ABHD17C: variants seen among roughly 807,000 people sequenced by gnomAD.
ABHD17C encodes the protein abhydrolase domain containing 17C, depalmitoylase.
A neutral mutation model predicts 27.9 loss-of-function variants in ABHD17C; 11 were observed. The observed-to-expected ratio is 0.39, with a 90% CI of 0.25 to 0.65. The LOEUF (loss-of-function observed/expected upper bound fraction) is 0.65. Ranked by LOEUF, ABHD17C falls within the 30% of genes least tolerant of loss-of-function variation. The pLI is 0.45. For synonymous variants in ABHD17C, 233 were observed against 209.1 expected (o/e 1.11, Z -0.98); for missense variants, 280 against 470.2 (o/e 0.60, Z 3.74).
intron 1 of ABHD17C, among the ~76,000 whole-genome samples, chr15:80,720,749 C>T (rs1210640203): frequency 1.3e-5 from 2 of 151,860 alleles, no homozygotes; most frequent in Non-Finnish European, 2.9e-5. Flanking sequence ...GGTGAAACTC[C>T]GTCTCTACTA....
At chr15:80,717,271 A>AACC (rs10644616) in intron 1 of ABHD17C, among the ~76,000 whole-genome samples, 1 of 145,266 alleles carries the variant, frequency 6.9e-6, no homozygotes, top group Admixed American at 6.8e-5. Flanking sequence ...AAAAAAAAAA[A>AACC]GAGTTTTGGC....
At chr15:80,724,066 G>C (rs1364479251) in intron 1 of ABHD17C, among the ~76,000 whole-genome samples, 1 of 152,024 alleles carries the variant, frequency 6.6e-6, no homozygotes, top group Non-Finnish European at 1.5e-5. Flanking sequence ...AGCTGGGTGT[G>C]GTGGTGGACA....
intron 1 of ABHD17C, among the ~76,000 whole-genome samples, chr15:80,712,729 G>C (rs1220293836): frequency 6.6e-6 from 1 of 152,158 alleles, no homozygotes; most frequent in Non-Finnish European, 1.5e-5. Context: ...GACTGTGGTT[G>C]TTATGGTTGA....
Position 80,696,150 on chromosome 15 carries a change from C to A in ABHD17C, c.590+131C>A, listed in dbSNP as rs1191006200. On this transcript the variant is annotated intron_variant, in intron 1 of 2. Coordinates refer to ENST00000258884, the MANE Select transcript of ABHD17C (RefSeq NM_021214.2). Reference sequence around the variant, plus strand: ...GGGGCTGAGGGCCAGCGGAGAGCCCCTTGGCCGCCGTAAATTCGCTTTTCT... The same window carrying A: ...GGGGCTGAGGGCCAGCGGAGAGCCCATTGGCCGCCGTAAATTCGCTTTTCT... The A allele has an allele frequency of 4.1e-6, 4 of 977,066 alleles. No individual in the cohort carries two copies. In the African/African-American group the frequency reaches 5.0e-5, roughly 12 times the overall value. 60.5% of individuals were successfully genotyped at this position (977,066 alleles called of 1,614,324 possible).
chr15:80,747,407 A>G (rs945525273), intron 1 of ABHD17C, among the ~76,000 whole-genome samples: 2 of 152,204 alleles, frequency 1.3e-5, no homozygotes, highest in Admixed American at 6.5e-5. Flanking sequence ...CCGTGAAAGA[A>G]GGATCTTGGT....
Position 80,695,352 on chromosome 15 carries a change from C to T in ABHD17C, c.-78C>T, listed in dbSNP as rs1280024978. 24 of 1,002,280 alleles carry T rather than the reference C, an allele frequency of 2.4e-5. No individual in the cohort carries two copies. The South Asian group carries it at 7.7e-4, about 32-fold the overall frequency. The allele number at this position is 1,002,280 out of a possible 1,614,324, so 62.1% of individuals were successfully genotyped here. A position where few individuals can be genotyped will look rare whatever the true frequency, so the allele number is the denominator to read the frequency against. On this transcript the variant is annotated 5_prime_UTR_variant, in exon 1 of 3. Coordinates refer to ENST00000258884, the MANE Select transcript of ABHD17C (RefSeq NM_021214.2). This position sits in a 1 kb window ranked among gnomAD's most constrained non-coding sequence, Gnocchi z 4.3. Reference sequence around the variant, plus strand: ...CGCGCTCGCCTGCCAGCTCCCTCGCCGCGCGTCCGTCCTCCGTCCTCCCGG... The same window carrying T: ...CGCGCTCGCCTGCCAGCTCCCTCGCTGCGCGTCCGTCCTCCGTCCTCCCGG...
intron 1 of ABHD17C, among the ~76,000 whole-genome samples, chr15:80,719,731 C>T (rs981826578): frequency 6.6e-6 from 1 of 151,702 alleles, no homozygotes; most frequent in Admixed American, 6.6e-5. Context: ...TGCTATATAT[C>T]TAATTTCATC....
intron 1 of ABHD17C, among the ~76,000 whole-genome samples, chr15:80,745,389 G>A (rs988794112): frequency 2.3e-5 from 3 of 132,002 alleles, no homozygotes; most frequent in Non-Finnish European, 3.6e-5. Flanking sequence ...TTCCCTAACA[G>A]CATTTTTTTT....
At chr15:80,721,454 T>G (rs932491240) in intron 1 of ABHD17C, among the ~76,000 whole-genome samples, 4 of 152,194 alleles carry the variant, frequency 2.6e-5, no homozygotes, top group African/African-American at 9.6e-5. Flanking sequence ...GGGCTGAATC[T>G]TGGCTTTTTC....
At chr15:80,712,820 C>T (rs1452101854) in intron 1 of ABHD17C, among the ~76,000 whole-genome samples, 4 of 152,218 alleles carry the variant, frequency 2.6e-5, no homozygotes. Flanking sequence ...TATAGTTTTA[C>T]TGACTGCCTA....
chr15:80,716,782 C>G (rs1219270188), intron 1 of ABHD17C, among the ~76,000 whole-genome samples: 2 of 152,318 alleles, frequency 1.3e-5, no homozygotes, highest in Non-Finnish European at 1.5e-5. Context: ...CTTACTTAAT[C>G]TCTTTTGCAG....
chr15:80,710,943 A>G (rs977873791), intron 1 of ABHD17C, among the ~76,000 whole-genome samples: 8 of 152,158 alleles, frequency 5.3e-5, no homozygotes, highest in African/African-American at 1.9e-4. Context: ...GGCATAGATC[A>G]GGAGTATTGT....
chr15:80,741,815 C>G (rs115225425), intron 1 of ABHD17C, among the ~76,000 whole-genome samples: 1 of 152,174 alleles, frequency 6.6e-6, no homozygotes, highest in Non-Finnish European at 1.5e-5. Flanking sequence ...AGCATCGCCT[C>G]TCTTGTGCTT....
chr15:80,723,545 C>G (rs1194759890), intron 1 of ABHD17C, among the ~76,000 whole-genome samples: 1 of 152,170 alleles, frequency 6.6e-6, no homozygotes, highest in Non-Finnish European at 1.5e-5. Context: ...TTAGGGATTC[C>G]AAAACCCCAT....
At chr15:80,717,130 T>C (rs554504676) in intron 1 of ABHD17C, among the ~76,000 whole-genome samples, 1 of 152,192 alleles carries the variant, frequency 6.6e-6, no homozygotes, top group South Asian at 2.1e-4. Context: ...ATTTTTATTT[T>C]TATTAATAGT....
intron 1 of ABHD17C, among the ~76,000 whole-genome samples, chr15:80,718,934 C>T (rs957941647): frequency 3.3e-5 from 5 of 151,994 alleles, no homozygotes; most frequent in Non-Finnish European, 7.4e-5. Context: ...GTGATGATGG[C>T]GACATACAGG....
At chr15:80,725,513 C>A (rs975629161) in intron 1 of ABHD17C, among the ~76,000 whole-genome samples, 2 of 151,964 alleles carry the variant, frequency 1.3e-5, no homozygotes, top group Non-Finnish European at 2.9e-5. Context: ...TTATGTATTT[C>A]ATTTATTTAT....
intron 1 of ABHD17C, among the ~76,000 whole-genome samples, chr15:80,730,517 G>A (rs1311619609): frequency 6.6e-6 from 1 of 152,234 alleles, no homozygotes; most frequent in Non-Finnish European, 1.5e-5. Context: ...AGCTGTTTGA[G>A]ACGTTGTTGG....
chr15:80,735,454 C>CT (rs1895117173), intron 1 of ABHD17C, among the ~76,000 whole-genome samples: 2 of 152,132 alleles, frequency 1.3e-5, no homozygotes, highest in African/African-American at 4.8e-5. Flanking sequence ...GCACTTCTTC[C>CT]CACCCAGCAC....
Sources: allele counts gnomAD v4.1 joint callset (sites outside exome capture counted in the v4.1 genomes callset), GRCh38; gene constraint gnomAD v4.1.1; non-coding constraint Gnocchi (gnomAD v3.1); transcripts MANE v1.5; gene names NCBI Gene and HGNC (gene_info 2026-07-23, HGNC 2026-07-21).